The following ROR2 variants were observed in gnomAD, a reference collection of about 807,000 sequenced individuals.
The protein encoded by ROR2 is tyrosine-protein kinase transmembrane receptor ROR2.
In ROR2, 33 loss-of-function variants were observed where a neutral mutation model predicts 74.9. That is an observed-to-expected ratio of 0.44 (90% CI 0.33 to 0.59). The LOEUF is 0.59. Among genes scored for constraint, ROR2 ranks in the 20% least tolerant of loss-of-function variants. The pLI, the probability that ROR2 is intolerant of heterozygous loss-of-function variation, is 0.02. For synonymous variants in ROR2, 586 were observed against 558.7 expected (o/e 1.05, Z -0.69); for missense variants, 1,216 against 1,313.8 (o/e 0.93, Z 1.15).
chr9:91,863,776 C>T (rs1030308977), intron 1 of ROR2, among the ~76,000 whole-genome samples: 1 of 152,036 alleles, frequency 6.6e-6, no homozygotes, highest in Non-Finnish European at 1.5e-5. Flanking sequence ...GGGGCTATGA[C>T]TGATGGGCAT....
intron 1 of ROR2, among the ~76,000 whole-genome samples, chr9:91,891,425 C>T (rs1316342510): frequency 1.3e-5 from 2 of 152,096 alleles, no homozygotes; most frequent in African/African-American, 4.8e-5. Context: ...CCCAACACCA[C>T]TCCCGGCTAA....
intron 2 of ROR2, among the ~76,000 whole-genome samples, chr9:91,769,747 C>G (rs900941824): frequency 1.3e-5 from 2 of 152,162 alleles, no homozygotes; most frequent in Non-Finnish European, 2.9e-5. Context: ...CGCTCACTCC[C>G]GTCCCGGCCC....
intron 2 of ROR2, among the ~76,000 whole-genome samples, chr9:91,759,099 C>T (rs1825839626): frequency 6.6e-6 from 1 of 152,154 alleles, no homozygotes; most frequent in African/African-American, 2.4e-5. Flanking sequence ...TGAAAGATGG[C>T]AGGCATCTGT....
intron 1 of ROR2, among the ~76,000 whole-genome samples, chr9:91,834,605 C>A (rs776028799): frequency 5.3e-5 from 8 of 152,212 alleles, no homozygotes; most frequent in Non-Finnish European, 8.8e-5. Context: ...CAGCGAGATT[C>A]ATGCAGACAC....
chr9:91,767,508 A>ATCATGAGG (rs2118896809), intron 2 of ROR2, among the ~76,000 whole-genome samples: 1 of 152,232 alleles, frequency 6.6e-6, no homozygotes, highest in East Asian at 1.9e-4. Flanking sequence ...CATATTAGAG[A>ATCATGAGG]TCATGAGGTC....
At chr9:91,889,800 T>G (rs1356104571) in intron 1 of ROR2, among the ~76,000 whole-genome samples, 1 of 152,208 alleles carries the variant, frequency 6.6e-6, no homozygotes, top group Non-Finnish European at 1.5e-5. Flanking sequence ...GCACCCCGCC[T>G]CCTTGAGGAG....
At chr9:91,934,144 T>C (rs1198864153) in intron 1 of ROR2, among the ~76,000 whole-genome samples, 1 of 152,168 alleles carries the variant, frequency 6.6e-6, no homozygotes, top group East Asian at 1.9e-4. Context: ...TGGGAGGTGC[T>C]CTTCAATCAC....
intron 1 of ROR2, among the ~76,000 whole-genome samples, chr9:91,884,327 G>T (rs576046509): frequency 6.6e-6 from 1 of 152,150 alleles, no homozygotes; most frequent in East Asian, 1.9e-4. Context: ...ATCTCAACCA[G>T]CAGGGATGTG....
intron 7 of ROR2, among the ~76,000 whole-genome samples, chr9:91,730,478 T>C (rs1837199855): frequency 6.6e-6 from 1 of 152,240 alleles, no homozygotes; most frequent in African/African-American, 2.4e-5. Context: ...TATTTATTTT[T>C]GAGACAGGGT....
At chr9:91,949,503 G>A (rs1316336829) in intron 1 of ROR2, among the ~76,000 whole-genome samples, 1 of 151,906 alleles carries the variant, frequency 6.6e-6, no homozygotes, top group Non-Finnish European at 1.5e-5. Context: ...CCGGGTCCTG[G>A]GACCCTCGGG....
intron 1 of ROR2, among the ~76,000 whole-genome samples, chr9:91,807,860 C>T (rs973834847): frequency 1.3e-5 from 2 of 152,056 alleles, no homozygotes; most frequent in African/African-American, 4.8e-5. Flanking sequence ...TATGACACGG[C>T]GACCCTCTCC....
chr9:91,904,547 C>G (rs900168928), intron 1 of ROR2, among the ~76,000 whole-genome samples: 16 of 152,162 alleles, frequency 1.1e-4, no homozygotes, highest in African/African-American at 3.9e-4. Context: ...AGAGGGTGGC[C>G]CAGCCTTGTG....
intron 1 of ROR2, among the ~76,000 whole-genome samples, chr9:91,918,913 G>A (rs146195501): frequency 2.2e-4 from 34 of 152,160 alleles, no homozygotes; most frequent in African/African-American, 7.7e-4. Flanking sequence ...AAGCCCACAC[G>A]TACACAGCCC....
intron 1 of ROR2, among the ~76,000 whole-genome samples, chr9:91,928,475 G>A (rs945656043): frequency 1.3e-5 from 2 of 152,214 alleles, no homozygotes; most frequent in African/African-American, 4.8e-5. Flanking sequence ...AAGAAAGGAA[G>A]GTACACCACT....
At chr9:91,751,166 A>G (rs16907728) in intron 4 of ROR2, among the ~76,000 whole-genome samples, 5,543 of 152,244 alleles carry the variant, frequency 0.036, 303 homozygotes, top group East Asian at 0.2. Flanking sequence ...CACAGTCACT[A>G]TAAGAGGGTC....
intron 1 of ROR2, among the ~76,000 whole-genome samples, chr9:91,940,578 A>G (rs1170767600): frequency 6.6e-6 from 1 of 151,248 alleles, no homozygotes; most frequent in Non-Finnish European, 1.5e-5. Flanking sequence ...TTCCAATAAA[A>G]TCATAACGTG....
intron 2 of ROR2, among the ~76,000 whole-genome samples, chr9:91,762,381 C>T (rs1393378866): frequency 6.6e-6 from 1 of 150,696 alleles, no homozygotes; most frequent in Non-Finnish European, 1.5e-5. Context: ...ATACCATCTT[C>T]CTCAAATAAC....
intron 1 of ROR2, among the ~76,000 whole-genome samples, chr9:91,884,956 G>T (rs1830229394): frequency 6.6e-6 from 1 of 152,048 alleles, no homozygotes; most frequent in Non-Finnish European, 1.5e-5. Flanking sequence ...CCTTAACTTG[G>T]TATTTTCTGT....
At chr9:91,825,262 T>C (rs570464873) in intron 1 of ROR2, among the ~76,000 whole-genome samples, 16 of 152,240 alleles carry the variant, frequency 1.1e-4, no homozygotes, top group African/African-American at 3.4e-4. Context: ...ACACCCCACT[T>C]GGGAGCAGAT....
Sources: allele counts gnomAD v4.1 joint callset (sites outside exome capture counted in the v4.1 genomes callset), GRCh38; gene constraint gnomAD v4.1.1; transcripts MANE v1.5; gene names NCBI Gene and HGNC (gene_info 2026-07-23, HGNC 2026-07-21).